The following MYO10 variants were observed in gnomAD, a reference collection of about 807,000 sequenced individuals.
MYO10 encodes myosin X, also known as unconventional myosin-X.
Under a neutral mutation model 257.3 loss-of-function variants are expected in MYO10, and 133 were observed. The ratio of observed to expected loss-of-function variants is 0.52; its 90% CI spans 0.45 to 0.60. The LOEUF (loss-of-function observed/expected upper bound fraction) is 0.60, where lower values mean the gene tolerates loss of function less well. MYO10 is among the 20% of genes least tolerant of loss of function. The pLI, the probability that MYO10 is intolerant of heterozygous loss-of-function variation, is 0.00. For missense variants in MYO10, 2,399 were observed against 2,635.7 expected, an observed-to-expected ratio of 0.91 and a Z score of 1.97; for synonymous variants, 1,104 against 1,028.6, an observed-to-expected ratio of 1.07 and a Z score of -1.40.
chr5:16,700,714 GT>G (rs1482143305), intron 25 of MYO10, among the ~76,000 whole-genome samples: 5 of 152,138 alleles, frequency 3.3e-5, no homozygotes, highest in Non-Finnish European at 7.3e-5. Flanking sequence ...TAAATAGCCA[GT>G]TTTCTGAAGT....
intron 1 of MYO10, among the ~76,000 whole-genome samples, chr5:16,929,588 T>C (rs1325853338): frequency 6.6e-6 from 1 of 152,152 alleles, no homozygotes; most frequent in Non-Finnish European, 1.5e-5. Context: ...TCTTCATCTA[T>C]GGATTGGGTA....
chr5:16,887,504 A>T (rs1230440580), intron 1 of MYO10, among the ~76,000 whole-genome samples: 1 of 151,940 alleles, frequency 6.6e-6, no homozygotes, highest in African/African-American at 2.4e-5. Flanking sequence ...TATTATTATT[A>T]TTTTTAGATG....
chr5:16,782,514 A>C (rs1315250925), intron 5 of MYO10, among the ~76,000 whole-genome samples: 1 of 152,222 alleles, frequency 6.6e-6, no homozygotes, highest in Admixed American at 6.5e-5. Context: ...GAATGTACTT[A>C]ATGCCAACGC....
intron 37 of MYO10, among the ~76,000 whole-genome samples, chr5:16,672,294 CAAA>C (rs10684695): frequency 1.6e-5 from 2 of 122,274 alleles, no homozygotes; most frequent in South Asian, 2.7e-4. Context: ...GACTCCATCT[CAAA>C]AAAAAAAAAA....
At chr5:16,783,890 A>T (rs1169948912) in intron 4 of MYO10, among the ~76,000 whole-genome samples, 1 of 152,216 alleles carries the variant, frequency 6.6e-6, no homozygotes, top group Non-Finnish European at 1.5e-5. Flanking sequence ...ACACATGAAT[A>T]AAAATGCAAT....
In MYO10 at chr5:16,704,625, G is replaced by A; in HGVS notation, c.2230C>T (p.His744Tyr). 6.2e-7 allele frequency: 1 copy of A among 1,613,902 alleles called. No individual in the cohort carries two copies. ...TGGGCCCGAATCACCATGGCCGCGT[G>A]GCTCACTTCCTCTTCCCTCCGCTTC... ...LEKRREEEVS[H>Y]AAMVIRAHVL... Residue 744 changes from histidine to tyrosine, a missense_variant, in exon 22 of 41, where the codon CAC becomes TAC. By Grantham distance (83) the His-to-Tyr change is moderately conservative. This residue lies in a region of MYO10 where 1,820 missense variants were observed against 1,939.4 expected (regional missense o/e 0.94). Transcript: ENST00000513610.
chr5:16,816,761 C>G (rs1742628436), intron 3 of MYO10, among the ~76,000 whole-genome samples: 1 of 151,864 alleles, frequency 6.6e-6, no homozygotes, highest in Admixed American at 6.6e-5. Flanking sequence ...ATCTCTTGAT[C>G]TCGTGATCCG....
At chr5:16,773,206 T>C (rs1741106362) in intron 9 of MYO10, among the ~76,000 whole-genome samples, 2 of 152,180 alleles carry the variant, frequency 1.3e-5, no homozygotes, top group Non-Finnish European at 2.9e-5. Flanking sequence ...TTAAAAAGCC[T>C]ATGAGAAAAT....
Position 16,662,316 on chromosome 5 carries a change from A to ATTTTTTTTTG in MYO10, c.*4375_*4376insCAAAAAAAAA, listed in dbSNP as rs1736013108. 1 of 75,816 alleles carries ATTTTTTTTTG rather than the reference A, an allele frequency of 1.3e-5. No homozygotes were observed. Among genetic ancestry groups the ATTTTTTTTTG allele is most frequent in the African/African-American group, 5.2e-5 (1 of 19,302 alleles). 4.7% of individuals were successfully genotyped at this position (75,816 alleles called of 1,614,324 possible). A position where few individuals can be genotyped will look rare whatever the true frequency, so the allele number is the denominator to read the frequency against. ...AAGTGCTGTCTTAGATTTCTGAACT[A>ATTTTTTTTTG]TTTTTTTTTTTTTTTTTTTTTTTTG... On this transcript the variant is annotated 3_prime_UTR_variant, in exon 41 of 41. Coordinates refer to ENST00000513610, the MANE Select transcript of MYO10 (RefSeq NM_012334.3).
At chr5:16,734,897 C>T (rs1428243853) in intron 19 of MYO10, among the ~76,000 whole-genome samples, 9 of 152,230 alleles carry the variant, frequency 5.9e-5, no homozygotes, top group Admixed American at 5.2e-4. Flanking sequence ...GTGGTGTCTC[C>T]GTCCGTGCCA....
At chr5:16,719,989 C>CAT (rs1554039263) in intron 19 of MYO10, among the ~76,000 whole-genome samples, 2 of 143,442 alleles carry the variant, frequency 1.4e-5, no homozygotes, top group African/African-American at 2.6e-5. Flanking sequence ...TGTGTGCGTG[C>CAT]GTGTGTGTGT....
At chr5:16,885,772 G>T (rs990814485) in intron 1 of MYO10, among the ~76,000 whole-genome samples, 1 of 152,106 alleles carries the variant, frequency 6.6e-6, no homozygotes, top group Non-Finnish European at 1.5e-5. Flanking sequence ...GAGCCACAAG[G>T]ATGAGGGAGC....
intron 2 of MYO10, among the ~76,000 whole-genome samples, chr5:16,824,781 C>T (rs1742951714): frequency 1.3e-5 from 2 of 151,986 alleles, no homozygotes; most frequent in African/African-American, 2.4e-5. Context: ...GCAGGAGAAT[C>T]GCTTGAACCC....
chr5:16,690,448 T>C (rs757370127), intron 27 of MYO10, among the ~76,000 whole-genome samples: 7 of 152,180 alleles, frequency 4.6e-5, no homozygotes, highest in African/African-American at 9.7e-5. Context: ...TCATCTCTGC[T>C]GCCCAGGGAG....
chr5:16,697,972 C>A (rs2126540067), intron 26 of MYO10, among the ~76,000 whole-genome samples: 1 of 152,264 alleles, frequency 6.6e-6, no homozygotes, highest in Non-Finnish European at 1.5e-5. Flanking sequence ...AACTCCTGCC[C>A]AAAATTGGTG....
At chr5:16,842,904 A>T (rs1189480089) in intron 2 of MYO10, among the ~76,000 whole-genome samples, 1 of 151,300 alleles carries the variant, frequency 6.6e-6, no homozygotes, top group Admixed American at 6.6e-5. Context: ...TACTAAAAAA[A>T]AGAGAGAGAA....
At chr5:16,804,904 C>T (rs1742226846) in intron 3 of MYO10, among the ~76,000 whole-genome samples, 1 of 151,944 alleles carries the variant, frequency 6.6e-6, no homozygotes, top group Non-Finnish European at 1.5e-5. Flanking sequence ...CAGTGAGACC[C>T]CACCTCAAAA....
At position 16,856,567 on chromosome 5, in the gene MYO10, G is replaced by A. The variant is rs144941818; in HGVS notation, c.120+21042C>T. 1.3e-3 allele frequency among the ~76,000 whole-genome samples: 194 copies of A among 151,872 alleles called. 2 individuals carry two copies. The highest frequency in any genetic ancestry group is 4.4e-3 in the African/African-American group (181 of 41,448). On this transcript the variant is annotated intron_variant, in intron 2 of 40. Transcript: ENST00000513610. ...TGTGTCTCAAAAAAAAAAAAAGAGC[G>A]AGCCGTTTCTTTCCTTGGAGTATTT...
intron 2 of MYO10, among the ~76,000 whole-genome samples, chr5:16,819,345 T>G (rs1360344170): frequency 6.6e-6 from 1 of 152,174 alleles, no homozygotes; most frequent in Non-Finnish European, 1.5e-5. Context: ...GTCTACTCAG[T>G]GCTCTTCGTC....
Sources: allele counts gnomAD v4.1 joint callset (sites outside exome capture counted in the v4.1 genomes callset), GRCh38; gene constraint gnomAD v4.1.1; regional missense constraint gnomAD v4.1.1; transcripts MANE v1.5; gene names NCBI Gene and HGNC (gene_info 2026-07-23, HGNC 2026-07-21).